The following ST3GAL1 variants were observed in gnomAD, a reference collection of about 807,000 sequenced individuals.
ST3GAL1 encodes ST3 beta-galactoside alpha-2,3-sialyltransferase 1.
In ST3GAL1, 16 loss-of-function variants were observed where a neutral mutation model predicts 34.1. The ratio of observed to expected loss-of-function variants is 0.47; its 90% CI spans 0.32 to 0.71. The LOEUF is 0.71. Ranked by LOEUF, ST3GAL1 falls within the 30% of genes least tolerant of loss-of-function variation. The pLI is 0.04. For synonymous variants in ST3GAL1, 191 were observed against 184.7 expected (o/e 1.03, Z -0.28); for missense variants, 353 against 447.4 (o/e 0.79, Z 1.90).
chr8:133,542,664 A>G (rs1370395236), intron 2 of ST3GAL1, among the ~76,000 whole-genome samples: 1 of 151,846 alleles, frequency 6.6e-6, no homozygotes, highest in Non-Finnish European at 1.5e-5. Flanking sequence ...AATCCCAGAT[A>G]CTCAGGAGGC....
rs1819028136 is a variant in ST3GAL1, at chr8:133,556,506, TTTCTCAGATCTGGGAGGAA to T, written c.-581-10599_-581-10581del. On this transcript the variant is annotated intron_variant, in intron 1 of 9. Transcript: ENST00000522652. This position sits in a 1 kb window ranked among gnomAD's most constrained non-coding sequence, Gnocchi z 8.9. ...TTCTGTCCGCTCAGAGTCACGTTCC[TTTCTCAGATCTGGGAGGAA>T]TTGTGAAACATGGACCTGTTTGTCT... Among the ~76,000 whole-genome samples the T allele has an allele frequency of 6.6e-6, 1 of 152,226 alleles. No individual in the cohort carries two copies. The highest frequency in any genetic ancestry group is 2.1e-4 in the South Asian group (1 of 4,836).
rs544762801 is a variant in ST3GAL1 at position 133,466,872 on chromosome 8, G to A, written c.307-782C>T. 1.3e-5 allele frequency among the ~76,000 whole-genome samples: 2 copies of A among 152,328 alleles called. No individual in the cohort carries two copies. The highest frequency in any genetic ancestry group is 2.4e-5 in the African/African-American group (1 of 41,570). Reference sequence around the variant, plus strand: ...CCAGCACTTTGGGAGACCGAGGCAGGTGGATCACGAAGTCAGGAGTTTGAG... The same window carrying A: ...CCAGCACTTTGGGAGACCGAGGCAGATGGATCACGAAGTCAGGAGTTTGAG... On this transcript the variant is annotated intron_variant, in intron 5 of 9. Transcript: ENST00000522652. This position sits in a 1 kb window ranked among gnomAD's most constrained non-coding sequence, Gnocchi z 4.4.
At chr8:133,541,973 AT>A (rs1342075512) in intron 2 of ST3GAL1, among the ~76,000 whole-genome samples, 1 of 152,200 alleles carries the variant, frequency 6.6e-6, no homozygotes, top group Admixed American at 6.5e-5. Flanking sequence ...CATAATTAGT[AT>A]GAACCTATGG....
chr8:133,548,383 C>G (rs914333169), intron 1 of ST3GAL1, among the ~76,000 whole-genome samples: 4 of 152,318 alleles, frequency 2.6e-5, no homozygotes, highest in Middle Eastern at 3.4e-3. Context: ...ACAGAGACAT[C>G]TTCGCTGACT....
rs547208178 is a variant in ST3GAL1 at position 133,455,660 on chromosome 8, A to G, written c.*4104T>C. On this transcript the variant is annotated 3_prime_UTR_variant, in exon 10 of 10. Coordinates refer to ENST00000522652, the MANE Select transcript of ST3GAL1 (RefSeq NM_173344.3). Reference sequence around the variant, plus strand: ...TAATGATACCCCCGGGGCTCTTCTCAGGGGTGAGGACAGGTGCTGGTTCCT... The same window carrying G: ...TAATGATACCCCCGGGGCTCTTCTCGGGGGTGAGGACAGGTGCTGGTTCCT... The G allele has an allele frequency of 2.0e-3, 308 of 152,440 alleles. 1 individual carries two copies. The highest frequency in any genetic ancestry group is 3.6e-3 in the Non-Finnish European group (245 of 68,140). The allele number at this position is 152,440 out of a possible 1,614,324, so 9.4% of individuals were successfully genotyped here.
At chr8:133,524,531 C>T (rs1817905330) in intron 2 of ST3GAL1, among the ~76,000 whole-genome samples, 1 of 152,348 alleles carries the variant, frequency 6.6e-6, no homozygotes, top group African/African-American at 2.4e-5. Flanking sequence ...CCACTTGGCC[C>T]AACAGGTTGT....
chr8:133,557,513 G>T (rs1445125194), intron 1 of ST3GAL1, among the ~76,000 whole-genome samples: 1 of 152,116 alleles, frequency 6.6e-6, no homozygotes, highest in Non-Finnish European at 1.5e-5. Flanking sequence ...ATGATGGGTT[G>T]AGCTGTCGCA....
chr8:133,468,677 G>A (rs1815835433), intron 5 of ST3GAL1, among the ~76,000 whole-genome samples: 1 of 152,214 alleles, frequency 6.6e-6, no homozygotes, highest in African/African-American at 2.4e-5. Flanking sequence ...CAGATAAAAT[G>A]CCTGATTCTG....
chr8:133,484,418 T>C (rs963941735), intron 3 of ST3GAL1, among the ~76,000 whole-genome samples: 4 of 152,210 alleles, frequency 2.6e-5, no homozygotes, highest in African/African-American at 9.6e-5. Flanking sequence ...GGCACCTGGA[T>C]TGAGTTAAAA....
chr8:133,491,781 C>A (rs926571147), intron 3 of ST3GAL1, among the ~76,000 whole-genome samples: 1 of 152,112 alleles, frequency 6.6e-6, no homozygotes, highest in Non-Finnish European at 1.5e-5. Flanking sequence ...TTCGCATGAA[C>A]CATCCCATCC....
At position 133,526,545 on chromosome 8, in the gene ST3GAL1, C is replaced by T. The variant is rs151245566; in HGVS notation, c.-429+19229G>A. Among the ~76,000 whole-genome samples, 56 of 152,260 alleles carry T rather than the reference C, an allele frequency of 3.7e-4. 1 individual carries two copies. The East Asian group carries it at 8.1e-3, about 22-fold the overall frequency. On this transcript the variant is annotated intron_variant, in intron 2 of 9. Transcript: ENST00000522652. ...CTATTGAGGGTCAGGGACCTAATGGCTTGTGGGTTCCTGAGATACAATTAT... is the reference window on the plus strand; with the variant it reads ...CTATTGAGGGTCAGGGACCTAATGGTTTGTGGGTTCCTGAGATACAATTAT...
chr8:133,566,967 C>G (rs1211885453), intron 1 of ST3GAL1: 1 of 152,208 alleles, frequency 6.6e-6, no homozygotes, highest in African/African-American at 2.4e-5. Flanking sequence ...CTCTTCAGAA[C>G]CATGTGGAAC....
At chr8:133,566,544 G>T (rs1316986065) in intron 1 of ST3GAL1, among the ~76,000 whole-genome samples, 1 of 152,132 alleles carries the variant, frequency 6.6e-6, no homozygotes, top group South Asian at 2.1e-4. Flanking sequence ...CATTGCAGGG[G>T]GTGATCACCC....
At chr8:133,569,371 C>G (rs1371177948) in intron 1 of ST3GAL1, among the ~76,000 whole-genome samples, 2 of 152,234 alleles carry the variant, frequency 1.3e-5, no homozygotes, top group African/African-American at 4.8e-5. Context: ...TACACATACA[C>G]ACATGTAGAG....
intron 3 of ST3GAL1, among the ~76,000 whole-genome samples, chr8:133,483,265 C>G (rs1816464893): frequency 6.6e-6 from 1 of 152,158 alleles, no homozygotes; most frequent in African/African-American, 2.4e-5. Flanking sequence ...TCGCTTGAAC[C>G]TGGGAGGTGG....
intron 2 of ST3GAL1, among the ~76,000 whole-genome samples, chr8:133,529,748 C>T (rs1198169815): frequency 2.6e-5 from 4 of 152,156 alleles, no homozygotes; most frequent in African/African-American, 9.7e-5. Context: ...CATGCACTGC[C>T]CAGGTTCCCA....
At chr8:133,511,714 T>C (rs781740176) in intron 2 of ST3GAL1, among the ~76,000 whole-genome samples, 2 of 152,168 alleles carry the variant, frequency 1.3e-5, no homozygotes, top group Non-Finnish European at 2.9e-5. Context: ...CAGGGTTCTC[T>C]AGAGGGACAG....
At chr8:133,558,435 T>A (rs1361187006) in intron 1 of ST3GAL1, among the ~76,000 whole-genome samples, 1 of 152,200 alleles carries the variant, frequency 6.6e-6, no homozygotes, top group African/African-American at 2.4e-5. Flanking sequence ...GCAGAGCTAA[T>A]ACTTTTATGA....
At chr8:133,470,190 CG>C (rs1375536810) in intron 5 of ST3GAL1, among the ~76,000 whole-genome samples, 1 of 152,164 alleles carries the variant, frequency 6.6e-6, no homozygotes, top group Non-Finnish European at 1.5e-5. Flanking sequence ...GAGGCCAAGG[CG>C]GGTGGGTCAC....
Sources: gnomAD v4.1 joint callset for allele counts (sites outside exome capture counted in the v4.1 genomes callset) on GRCh38, gnomAD v4.1.1 for gene constraint, Gnocchi (gnomAD v3.1) non-coding constraint, MANE v1.5 for transcripts, NCBI Gene and HGNC (gene_info 2026-07-23, HGNC 2026-07-21) for gene names.